The following ASTN2 variants were observed in gnomAD, a reference collection of about 807,000 sequenced individuals.
The protein encoded by ASTN2 is astrotactin 2.
Under a neutral mutation model 139.8 loss-of-function variants are expected in ASTN2, and 54 were observed. The ratio of observed to expected loss-of-function variants is 0.39; its 90% CI spans 0.31 to 0.48. ASTN2 has a LOEUF of 0.48. Among genes scored for constraint, ASTN2 ranks in the 20% least tolerant of loss-of-function variants. The pLI, the probability that ASTN2 is intolerant of heterozygous loss-of-function variation, is 0.95. For synonymous variants in ASTN2, 756 were observed against 719.5 expected (o/e 1.05, Z -0.81); for missense variants, 1,565 against 1,725.1 (o/e 0.91, Z 1.64).
chr9:117,143,806 A>AAG (rs1240025204), intron 3 of ASTN2, among the ~76,000 whole-genome samples: 4 of 150,056 alleles, frequency 2.7e-5, no homozygotes, highest in Non-Finnish European at 4.5e-5. Context: ...GAGAGAGAGA[A>AAG]AGAGAGAGAG....
At chr9:117,060,090 G>T in intron 5 of ASTN2, among the ~76,000 whole-genome samples, 1 of 151,876 alleles carries the variant, frequency 6.6e-6, no homozygotes, top group East Asian at 1.9e-4. Flanking sequence ...GCGAGCAGAT[G>T]GCTTGAGGAC....
chr9:116,675,237 C>A (rs1324795065), intron 16 of ASTN2, among the ~76,000 whole-genome samples: 1 of 152,142 alleles, frequency 6.6e-6, no homozygotes, highest in Non-Finnish European at 1.5e-5. Flanking sequence ...AGAAATAATC[C>A]TGGGGAGATA....
intron 13 of ASTN2, among the ~76,000 whole-genome samples, chr9:116,774,421 G>C (rs1830029088): frequency 6.6e-6 from 1 of 152,172 alleles, no homozygotes; most frequent in Admixed American, 6.5e-5. Context: ...GTTGAAGATA[G>C]AAGCTTTCTT....
chr9:117,235,302 T>A (rs1564495995), intron 2 of ASTN2, among the ~76,000 whole-genome samples: 1 of 152,046 alleles, frequency 6.6e-6, no homozygotes, highest in East Asian at 1.9e-4. Flanking sequence ...TGCATGTCAT[T>A]TATTGGTATT....
At chr9:116,580,105 C>T (rs532365400) in intron 19 of ASTN2, among the ~76,000 whole-genome samples, 62 of 152,306 alleles carry the variant, frequency 4.1e-4, no homozygotes, top group Non-Finnish European at 7.2e-4. Context: ...CAGGCGTGAG[C>T]CCCCGCACCC....
intron 17 of ASTN2, among the ~76,000 whole-genome samples, chr9:116,630,238 A>G (rs1262208620): frequency 6.6e-6 from 1 of 152,216 alleles, no homozygotes; most frequent in Non-Finnish European, 1.5e-5. Flanking sequence ...TAGCCAGTAT[A>G]TAGCAGAACA....
chr9:116,590,849 G>T (rs1481164110), intron 19 of ASTN2, among the ~76,000 whole-genome samples: 1 of 152,148 alleles, frequency 6.6e-6, no homozygotes, highest in African/African-American at 2.4e-5. Context: ...CCCATGGAAA[G>T]CAGTGACCCA....
intron 10 of ASTN2, among the ~76,000 whole-genome samples, chr9:116,890,821 G>T (rs896724323): frequency 6.6e-6 from 1 of 152,176 alleles, no homozygotes; most frequent in South Asian, 2.1e-4. Context: ...GGTGGAGCGG[G>T]GGTATATGAA....
chr9:117,302,085 T>C (rs1262666591), intron 1 of ASTN2, among the ~76,000 whole-genome samples: 1 of 6,926 alleles, frequency 1.4e-4, no homozygotes, highest in Non-Finnish European at 2.7e-4. Context: ...TTGAGAAAAG[T>C]GGTGGGGGTG....
At chr9:117,302,089 G>A (rs1170814552) in intron 1 of ASTN2, among the ~76,000 whole-genome samples, 2 of 151,420 alleles carry the variant, frequency 1.3e-5, no homozygotes, top group African/African-American at 2.4e-5. Flanking sequence ...GAAAAGTGGT[G>A]GGGGTGGGAG....
At chr9:117,305,733 T>C (rs752637486) in intron 1 of ASTN2, among the ~76,000 whole-genome samples, 1 of 152,222 alleles carries the variant, frequency 6.6e-6, no homozygotes, top group Non-Finnish European at 1.5e-5. Context: ...CTAACACTTA[T>C]TAAGTGCTTA....
intron 19 of ASTN2, chr9:116,562,097 A>C (rs1852944399): frequency 6.6e-6 from 1 of 152,244 alleles, no homozygotes; most frequent in African/African-American, 2.4e-5. Flanking sequence ...ACAGTCCAGA[A>C]GATGGGAGAA....
intron 20 of ASTN2, among the ~76,000 whole-genome samples, chr9:116,485,715 C>T (rs952321261): frequency 6.6e-6 from 1 of 152,210 alleles, no homozygotes; most frequent in Non-Finnish European, 1.5e-5. Flanking sequence ...TTTGAAGATT[C>T]CATTCCTAGA....
At chr9:116,827,200 T>C (rs1831657157) in intron 11 of ASTN2, among the ~76,000 whole-genome samples, 3 of 151,382 alleles carry the variant, frequency 2.0e-5, no homozygotes, top group African/African-American at 4.9e-5. Flanking sequence ...TCTCAGCTAC[T>C]TGGGAGGCTG....
intron 13 of ASTN2, among the ~76,000 whole-genome samples, chr9:116,746,496 C>G (rs1428161415): frequency 4.6e-5 from 7 of 152,154 alleles, no homozygotes. Flanking sequence ...AATCCAGAGA[C>G]TCTCTTCATC....
intron 13 of ASTN2, among the ~76,000 whole-genome samples, chr9:116,799,991 T>A (rs1408246882): frequency 4.6e-5 from 7 of 152,204 alleles, no homozygotes; most frequent in Non-Finnish European, 1.0e-4. Context: ...AAGGCTTCAT[T>A]CATGTCAATT....
intron 3 of ASTN2, among the ~76,000 whole-genome samples, chr9:117,193,111 G>T (rs554524012): frequency 1.3e-5 from 2 of 152,290 alleles, no homozygotes; most frequent in South Asian, 4.2e-4. Flanking sequence ...ACAAATGAAT[G>T]GTGAGGAAGA....
At chr9:117,105,817 A>T (rs1056734724) in intron 4 of ASTN2, among the ~76,000 whole-genome samples, 8 of 152,206 alleles carry the variant, frequency 5.3e-5, no homozygotes, top group African/African-American at 1.9e-4. Flanking sequence ...ATCATCTCAC[A>T]GATATTGCAT....
intron 10 of ASTN2, among the ~76,000 whole-genome samples, chr9:116,970,087 C>T (rs563293517): frequency 1.3e-5 from 2 of 152,296 alleles, no homozygotes; most frequent in Admixed American, 1.3e-4. Context: ...AATTATGTCT[C>T]CACTGTGCAT....
Sources: allele counts gnomAD v4.1 joint callset (sites outside exome capture counted in the v4.1 genomes callset), GRCh38; gene constraint gnomAD v4.1.1; transcripts MANE v1.5; gene names NCBI Gene and HGNC (gene_info 2026-07-23, HGNC 2026-07-21).